SUGP2: variants seen among roughly 807,000 people sequenced by gnomAD.
SUGP2 encodes SURP and G-patch domain-containing protein 2.
In SUGP2, 24 loss-of-function variants were observed where a neutral mutation model predicts 90.5. That is an observed-to-expected ratio of 0.27 (90% CI 0.19 to 0.37). The LOEUF (loss-of-function observed/expected upper bound fraction) is 0.37, where lower values mean the gene tolerates loss of function less well. Among genes scored for constraint, SUGP2 ranks in the 10% least tolerant of loss-of-function variants. SUGP2 has a pLI of 1.00. For missense variants in SUGP2, 1,233 were observed against 1,363.3 expected (o/e 0.90, Z 1.51); for synonymous variants, 473 against 513.4 (o/e 0.92, Z 1.06).
intron 8 of SUGP2, among the ~76,000 whole-genome samples, chr19:18,997,649 G>A (rs1176630518): frequency 6.6e-5 from 10 of 151,934 alleles, no homozygotes; most frequent in Admixed American, 6.6e-4. Context: ...CAGGTGTGGT[G>A]GCACGCCCCT....
chr19:19,007,041 T>G (rs2058102302), intron 6 of SUGP2, among the ~76,000 whole-genome samples: 1 of 152,204 alleles, frequency 6.6e-6, no homozygotes. Flanking sequence ...GAGAGCCCCC[T>G]CAGTAGGGTT....
At chr19:19,027,884 C>T (rs2058996710) in intron 2 of SUGP2, among the ~76,000 whole-genome samples, 1 of 152,222 alleles carries the variant, frequency 6.6e-6, no homozygotes, top group Admixed American at 6.5e-5. Flanking sequence ...GATCCGCCCA[C>T]CTCGGCCTCC....
intron 8 of SUGP2, among the ~76,000 whole-genome samples, chr19:18,996,437 T>A (rs994115692): frequency 6.6e-6 from 1 of 150,610 alleles, no homozygotes; most frequent in Non-Finnish European, 1.5e-5. Flanking sequence ...TTTTTTTAAA[T>A]ATAGAGTCTT....
At position 19,004,193 on chromosome 19, in the gene SUGP2, T is replaced by C. The variant is rs10409265; in HGVS notation, c.2904A>G (p.Arg968=). 3.9e-3 allele frequency: 6,070 copies of C among 1,574,316 alleles called. 186 individuals are homozygous for C. The African/African-American group carries it at 0.071, about 18-fold the overall frequency. ...LKVGMIPAPK[R]VCLIQEPKVH... ...CTTTTGGCTCCTGGATGAGACACAC[T>C]CTCTTGGGAGCTGGAATCATGCCAA... The change falls in exon 7 of 11, where the codon AGA becomes AGG. Residue 968 remains arginine (R), a synonymous_variant. Transcript: ENST00000452918.
intron 1 of SUGP2, 130 bp downstream of exon 1, chr19:19,033,307 G>T: frequency 3.9e-6 from 4 of 1,032,104 alleles, no homozygotes; most frequent in Non-Finnish European, 4.7e-6. Context: ...CGGCGGGGAC[G>T]CGGCCGCCGC....
At chr19:19,024,203 A>C (rs931229610) in intron 3 of SUGP2, among the ~76,000 whole-genome samples, 5 of 152,130 alleles carry the variant, frequency 3.3e-5, no homozygotes, top group Admixed American at 3.3e-4. Flanking sequence ...TCCGCCTCCC[A>C]GGTCCAAGTG....
Position 19,009,888 on chromosome 19 carries a change from G to A in SUGP2, c.2305C>T (p.Pro769Ser), listed in dbSNP as rs2145479153. 3 of 1,613,640 alleles carry A rather than the reference G, an allele frequency of 1.9e-6. No homozygotes were observed. Among genetic ancestry groups the A allele is most frequent in the Middle Eastern group, 3.3e-4 (2 of 6,060 alleles). The change falls in exon 5 of 11, where the codon CCT (proline) becomes TCT (serine). Residue 769 changes from proline to serine, a missense_variant. Physicochemically the swap from Pro to Ser is moderately conservative, Grantham distance 74. Coordinates refer to ENST00000452918, the MANE Select transcript of SUGP2 (RefSeq NM_001017392.5). ...GATGGGCAGGGAGAAGAGGTCTGAG[G>A]TGCTTCAGAGATGTCCACTCCTGCT... ...KPAGVDISEA[P>S]QTSSPCPSAD... is the part of the protein sequence containing the mutation.
At chr19:19,032,608 C>G (rs1296973920) in intron 1 of SUGP2, among the ~76,000 whole-genome samples, 1 of 152,106 alleles carries the variant, frequency 6.6e-6, no homozygotes, top group East Asian at 1.9e-4. Flanking sequence ...GCGCTGGGTC[C>G]TTGCGCGATC....
intron 6 of SUGP2, among the ~76,000 whole-genome samples, chr19:19,006,790 C>T (rs1003525380): frequency 6.6e-6 from 1 of 152,138 alleles, no homozygotes; most frequent in South Asian, 2.1e-4. Flanking sequence ...TCAGGCTTCC[C>T]GTCTGTAGGT....
At chr19:19,002,457 A>T (rs1056169311) in intron 7 of SUGP2, among the ~76,000 whole-genome samples, 2 of 150,190 alleles carry the variant, frequency 1.3e-5, no homozygotes, top group Non-Finnish European at 3.0e-5. Flanking sequence ...AGAGAACCAC[A>T]TCATATCATT....
chr19:19,010,539 CG>C (rs2058270121), intron 4 of SUGP2, among the ~76,000 whole-genome samples, 197 bp from the exon 5 acceptor site: 1 of 152,146 alleles, frequency 6.6e-6, no homozygotes, highest in Non-Finnish European at 1.5e-5. Flanking sequence ...ACAGGGCAAT[CG>C]GGAGTTTGAA....
intron 6 of SUGP2, chr19:19,007,519 C>G (rs1009019781): frequency 6.6e-6 from 1 of 152,532 alleles, no homozygotes; most frequent in African/African-American, 2.4e-5. Context: ...ATGGCGCGAT[C>G]TCGGCTCACT....
rs1311487040 is a variant in SUGP2 at position 19,030,536 on chromosome 19, AAAC to A, written c.121+412_121+414del. Among the ~76,000 whole-genome samples the A allele has an allele frequency of 1.7e-4, 26 of 152,282 alleles. No homozygotes were observed. In the South Asian group the frequency reaches 4.4e-3, roughly 26 times the overall value. ...TCTCAAAACAAACAAACAAACAAAC[AAAC>A]AATAAACAAAACTGTCTTGAGGTGG... On this transcript the variant is annotated intron_variant, in intron 2 of 10. Transcript: ENST00000452918.
At chr19:19,002,505 GTTTTTTTTTTTTTTTTT>G (rs58282570) in intron 7 of SUGP2, among the ~76,000 whole-genome samples, 7 of 61,102 alleles carry the variant, frequency 1.1e-4, no homozygotes, top group Non-Finnish European at 2.9e-5. Flanking sequence ...TAGCAAGTCT[GTTTTTTTTTTTTTTTTT>G]TTTTTTTTGA....
intron 5 of SUGP2, among the ~76,000 whole-genome samples, chr19:19,009,614 G>A (rs999184404): frequency 1.3e-5 from 2 of 152,198 alleles, no homozygotes; most frequent in African/African-American, 4.8e-5. Context: ...CGAAGGCATG[G>A]GGCAGCACCT....
At chr19:19,029,921 C>A (rs960886383) in intron 2 of SUGP2, among the ~76,000 whole-genome samples, 3 of 149,486 alleles carry the variant, frequency 2.0e-5, no homozygotes, top group Non-Finnish European at 4.4e-5. Flanking sequence ...CCAGCCTGGG[C>A]GACAGTACAA....
At chr19:19,003,072 G>T (rs754327240) in intron 7 of SUGP2, among the ~76,000 whole-genome samples, 28 of 152,290 alleles carry the variant, frequency 1.8e-4, no homozygotes, top group Non-Finnish European at 2.6e-4. Context: ...GTCCCGCTAA[G>T]CTGGGATTAC....
chr19:19,004,695 AT>A, intron 6 of SUGP2, 49 bp from the exon 7 acceptor site: 1 of 1,440,052 alleles, frequency 6.9e-7, no homozygotes, highest in Non-Finnish European at 9.5e-7. Context: ...ATCTCTCAAC[AT>A]TTTTATTTGC....
chr19:18,995,354 C>T, intron 8 of SUGP2, 74 bp from the exon 9 acceptor site: 1 of 1,460,922 alleles, frequency 6.8e-7, no homozygotes, highest in Non-Finnish European at 9.0e-7. Context: ...CTAGGCTATG[C>T]CTGGAGCCCC....
Sources: allele counts gnomAD v4.1 joint callset (sites outside exome capture counted in the v4.1 genomes callset), GRCh38; gene constraint gnomAD v4.1.1; transcripts MANE v1.5; gene names NCBI Gene and HGNC (gene_info 2026-07-23, HGNC 2026-07-21).